The following SYN3 variants were observed in gnomAD, a reference collection of about 807,000 sequenced individuals.
The protein encoded by SYN3 is synapsin-3.
SYN3 carries 35 observed loss-of-function variants against 65.8 expected under a neutral mutation model. The observed-to-expected ratio is 0.53, with a 90% CI of 0.41 to 0.70. SYN3 has a LOEUF of 0.70. SYN3 is among the 30% of genes least tolerant of loss of function. SYN3 has a pLI of 0.00. For synonymous variants in SYN3, 270 were observed against 292.9 expected (o/e 0.92, Z 0.80); for missense variants, 680 against 749.0 (o/e 0.91, Z 1.08).
chr22:32,883,862 C>T (rs926780634), intron 4 of SYN3, among the ~76,000 whole-genome samples: 3 of 152,212 alleles, frequency 2.0e-5, no homozygotes, highest in Admixed American at 6.5e-5. Flanking sequence ...ACAGATCCAA[C>T]AGCCGGCCTC....
chr22:32,579,666 C>G (rs567930317), intron 7 of SYN3, among the ~76,000 whole-genome samples: 3 of 152,330 alleles, frequency 2.0e-5, no homozygotes, highest in African/African-American at 7.2e-5. Context: ...TCCAACCCTT[C>G]TGAAGATCAG....
At chr22:32,533,994 GA>G in intron 9 of SYN3, 99 bp from the exon 10 acceptor site, 1 of 731,646 alleles carries the variant, frequency 1.4e-6, no homozygotes, top group Admixed American at 2.1e-5. Flanking sequence ...GGCAGGGAGG[GA>G]CAGTGACTCA....
intron 1 of SYN3, among the ~76,000 whole-genome samples, chr22:33,028,956 T>C (rs913348153): frequency 2.0e-5 from 3 of 151,242 alleles, no homozygotes; most frequent in Admixed American, 6.6e-5. Flanking sequence ...AGGAGAATGG[T>C]GTAAACCCGG....
intron 6 of SYN3, among the ~76,000 whole-genome samples, chr22:32,730,029 G>A (rs761653698): frequency 1.3e-5 from 2 of 152,104 alleles, no homozygotes; most frequent in Non-Finnish European, 2.9e-5. Context: ...AATGATAAAG[G>A]CTTAGATTTT....
At chr22:32,591,925 G>C (rs576885969) in intron 7 of SYN3, among the ~76,000 whole-genome samples, 19 of 152,218 alleles carry the variant, frequency 1.2e-4, no homozygotes, top group African/African-American at 4.6e-4. Flanking sequence ...CCACCCACCC[G>C]TTAGCCACTT....
intron 6 of SYN3, among the ~76,000 whole-genome samples, chr22:32,620,477 C>T (rs5998559): frequency 0.012 from 1,776 of 152,146 alleles, 45 homozygotes; most frequent in African/African-American, 0.041. Flanking sequence ...TTTCTCCTAA[C>T]GATAAGGCCA....
chr22:33,041,968 A>AT, intron 1 of SYN3, among the ~76,000 whole-genome samples: 1 of 152,288 alleles, frequency 6.6e-6, no homozygotes, highest in East Asian at 1.9e-4. Context: ...TAAGGACTGA[A>AT]TGTGTGTGTC....
At chr22:32,695,029 C>T (rs9621536) in intron 6 of SYN3, among the ~76,000 whole-genome samples, 5,912 of 152,230 alleles carry the variant, frequency 0.039, 393 homozygotes, top group African/African-American at 0.13. Context: ...ACTGAACATT[C>T]TCCGTCAAAG....
intron 6 of SYN3, among the ~76,000 whole-genome samples, chr22:32,805,191 C>T (rs548080158): frequency 2.0e-4 from 31 of 152,178 alleles, no homozygotes; most frequent in Admixed American, 2.6e-4. Context: ...GAAGTGTGTT[C>T]GGGGCCTGCC....
intron 7 of SYN3, among the ~76,000 whole-genome samples, chr22:32,593,086 C>G (rs2059150023): frequency 6.6e-6 from 1 of 152,138 alleles, no homozygotes; most frequent in South Asian, 2.1e-4. Flanking sequence ...CCACAGGTAC[C>G]AGCTTTGTTT....
At chr22:32,957,936 A>T (rs2051518099) in intron 3 of SYN3, among the ~76,000 whole-genome samples, 1 of 152,074 alleles carries the variant, frequency 6.6e-6, no homozygotes, top group East Asian at 1.9e-4. Context: ...GCTAACCCAA[A>T]CCTAATCTCC....
intron 3 of SYN3, among the ~76,000 whole-genome samples, chr22:32,971,699 CTATGGA>C (rs2052026185): frequency 6.6e-6 from 1 of 152,104 alleles, no homozygotes; most frequent in East Asian, 1.9e-4. Context: ...TATGTGACCT[CTATGGA>C]AAGTAATTTT....
At chr22:32,859,517 A>G (rs1013037243) in intron 6 of SYN3, 4 of 1,073,980 alleles carry the variant, frequency 3.7e-6, no homozygotes, top group African/African-American at 1.6e-5. Flanking sequence ...AGAAAGGTCT[A>G]TGCTGTCATA....
At chr22:32,970,332 A>T (rs1487708240) in intron 3 of SYN3, among the ~76,000 whole-genome samples, 1 of 152,112 alleles carries the variant, frequency 6.6e-6, no homozygotes, top group East Asian at 1.9e-4. Context: ...CTATTATACT[A>T]TCCAGACAGT....
At chr22:32,823,627 C>T (rs1039061284) in intron 6 of SYN3, among the ~76,000 whole-genome samples, 3 of 152,132 alleles carry the variant, frequency 2.0e-5, no homozygotes, top group African/African-American at 4.8e-5. Flanking sequence ...ACTTAGGGGG[C>T]CGTGAGTGCA....
intron 6 of SYN3, among the ~76,000 whole-genome samples, chr22:32,729,769 G>C (rs1190042790): frequency 6.6e-6 from 1 of 152,144 alleles, no homozygotes; most frequent in Non-Finnish European, 1.5e-5. Flanking sequence ...CTTCACTAGG[G>C]CTTGTGTTGA....
intron 2 of SYN3, among the ~76,000 whole-genome samples, chr22:33,000,774 C>T (rs73162045): frequency 0.13 from 20,165 of 152,170 alleles, 1,731 homozygotes; most frequent in Non-Finnish European, 0.19. Flanking sequence ...ACCACTTCCT[C>T]CCCTGGGAGA....
chr22:32,909,206 C>T (rs1432661985), intron 4 of SYN3, among the ~76,000 whole-genome samples: 2 of 152,174 alleles, frequency 1.3e-5, no homozygotes, highest in Non-Finnish European at 2.9e-5. Flanking sequence ...GTTCATACTC[C>T]ACCTCTGTTC....
rs78607847 is a variant in SYN3, at chr22:32,734,032, C to T, written c.711+130883G>A. ...AGAGGCAATCTGAGCAAGAAAAGGT[C>T]CAGAACTAAACAGACTGTCTAGGGC... On this transcript the variant is annotated intron_variant, in intron 6 of 13. Transcript: ENST00000358763. Among the ~76,000 whole-genome samples, 422 of 152,242 alleles carry T rather than the reference C, an allele frequency of 2.8e-3. 4 individuals carry two copies. The highest frequency in any genetic ancestry group is 9.7e-3 in the African/African-American group (404 of 41,544).
Sources: allele counts gnomAD v4.1 joint callset (sites outside exome capture counted in the v4.1 genomes callset), GRCh38; gene constraint gnomAD v4.1.1; transcripts MANE v1.5; gene names NCBI Gene and HGNC (gene_info 2026-07-23, HGNC 2026-07-21).